Variants in AJAP1 observed in about 807,000 individuals in gnomAD.
AJAP1 encodes the protein adherens junctions associated protein 1.
A neutral mutation model predicts 35.0 loss-of-function variants in AJAP1; 5 were observed. The observed-to-expected ratio is 0.14, with a 90% CI of 0.07 to 0.30. The LOEUF (loss-of-function observed/expected upper bound fraction) is 0.30, where lower values mean the gene tolerates loss of function less well. Among genes scored for constraint, AJAP1 ranks in the 10% least tolerant of loss-of-function variants. The pLI, the probability that AJAP1 is intolerant of heterozygous loss-of-function variation, is 1.00. For synonymous variants in AJAP1, 284 were observed against 249.3 expected (o/e 1.14, Z -1.31); for missense variants, 586 against 571.0 (o/e 1.03, Z -0.27).
intron 2 of AJAP1, among the ~76,000 whole-genome samples, chr1:4,767,362 A>G (rs972176354): frequency 6.6e-6 from 1 of 152,000 alleles, no homozygotes; most frequent in Non-Finnish European, 1.5e-5. Context: ...CACCATCACC[A>G]TTATTACCAT....
intron 1 of AJAP1, among the ~76,000 whole-genome samples, chr1:4,709,523 G>C (rs1640178877): frequency 6.6e-6 from 1 of 152,194 alleles, no homozygotes; most frequent in African/African-American, 2.4e-5. Flanking sequence ...CACCTGCTCA[G>C]AGCAGCATCT....
intron 1 of AJAP1, among the ~76,000 whole-genome samples, chr1:4,669,269 T>C (rs984651508): frequency 7.2e-5 from 11 of 152,336 alleles, no homozygotes; most frequent in Middle Eastern, 3.4e-3. Context: ...ATGGCCTGTT[T>C]TGGACATTTT....
chr1:4,726,693 G>T (rs1430447619), intron 2 of AJAP1, among the ~76,000 whole-genome samples: 2 of 152,150 alleles, frequency 1.3e-5, no homozygotes, highest in Non-Finnish European at 2.9e-5. Context: ...TCCTGATTCA[G>T]GCAGGAGGGG....
intron 2 of AJAP1, among the ~76,000 whole-genome samples, chr1:4,762,127 A>G (rs1641579583): frequency 6.6e-6 from 1 of 152,210 alleles, no homozygotes; most frequent in Admixed American, 6.5e-5. Context: ...ACATAATGCA[A>G]CTATCCTTCA....
rs907727179 is a variant in AJAP1, at chr1:4,687,710, C to T, written c.30-24190C>T. Among the ~76,000 whole-genome samples the T allele has an allele frequency of 1.2e-4, 18 of 152,138 alleles. No homozygotes were observed. In the East Asian group the frequency reaches 2.9e-3, roughly 24 times the overall value. ...AACGTCCCTGTCACTCTGAGAAGAA[C>T]GAGAGCTCCGTGCTAAGGGAGTCAG... On this transcript the variant is annotated intron_variant, in intron 1 of 5. Transcript: ENST00000378191.
chr1:4,696,589 C>T (rs1293724544), intron 1 of AJAP1, among the ~76,000 whole-genome samples: 2 of 152,196 alleles, frequency 1.3e-5, no homozygotes, highest in South Asian at 2.1e-4. Context: ...GGCTTATGCC[C>T]GGGGGGTGGC....
At chr1:4,677,062 CAGG>C (rs1413870495) in intron 1 of AJAP1, among the ~76,000 whole-genome samples, 1 of 152,186 alleles carries the variant, frequency 6.6e-6, no homozygotes, top group Non-Finnish European at 1.5e-5. Flanking sequence ...GAGGCTGAGG[CAGG>C]AGAATTGCTT....
chr1:4,790,518 T>G lies in AJAP1; in HGVS notation c.*8033T>G, dbSNP rs1034103597. On this transcript the variant is annotated 3_prime_UTR_variant, in exon 6 of 6. Coordinates refer to ENST00000378191, the MANE Select transcript of AJAP1 (RefSeq NM_018836.4). ...GGGCAACTGGTTTTGAAAAGCCCGC[T>G]GGCGTGCCAGAGGGGGTGTTTGCCC... 7.2e-5 allele frequency: 11 copies of G among 152,336 alleles called. No homozygotes were observed. The highest frequency in any genetic ancestry group is 2.2e-4 in the African/African-American group (9 of 41,580). The allele number at this position is 152,336 out of a possible 1,614,324, so 9.4% of individuals were successfully genotyped here.
chr1:4,761,668 C>A (rs538927919), intron 2 of AJAP1, among the ~76,000 whole-genome samples: 1 of 152,184 alleles, frequency 6.6e-6, no homozygotes, highest in Non-Finnish European at 1.5e-5. Flanking sequence ...AAGATGAGGT[C>A]CCACAATTCC....
chr1:4,659,396 C>T (rs72857925), intron 1 of AJAP1, among the ~76,000 whole-genome samples: 2,661 of 152,272 alleles, frequency 0.017, 70 homozygotes, highest in African/African-American at 0.061. Context: ...GGGGCTAGAG[C>T]AGGCAAACGT....
At chr1:4,696,785 GTGTGCATGTGTGTCTCTGCATGTGCACA>G (rs1269288535) in intron 1 of AJAP1, among the ~76,000 whole-genome samples, 45 of 152,344 alleles carry the variant, frequency 3.0e-4, no homozygotes, top group African/African-American at 1.1e-3. Flanking sequence ...GGCATATTCT[GTGTGCATGTGTGTCTCTGCATGTGCACA>G]TGTGCATGTG....
chr1:4,749,793 G>A (rs1045451562), intron 2 of AJAP1, among the ~76,000 whole-genome samples: 4 of 152,172 alleles, frequency 2.6e-5, no homozygotes, highest in African/African-American at 9.7e-5. Flanking sequence ...GAGTGTGCCT[G>A]TGTTTGCATG....
intron 2 of AJAP1, among the ~76,000 whole-genome samples, chr1:4,726,933 G>A (rs1490958915): frequency 6.6e-6 from 1 of 152,202 alleles, no homozygotes; most frequent in African/African-American, 2.4e-5. Context: ...GGGAAGCTGA[G>A]GGCCAGGCTT....
chr1:4,659,378 G>A (rs2100501409), intron 1 of AJAP1, among the ~76,000 whole-genome samples: 1 of 152,260 alleles, frequency 6.6e-6, no homozygotes, highest in East Asian at 1.9e-4. Context: ...CAGGAGCAGG[G>A]GCTTTCTGGG....
intron 2 of AJAP1, among the ~76,000 whole-genome samples, chr1:4,741,274 G>C (rs1451519974): frequency 1.3e-5 from 2 of 152,218 alleles, no homozygotes; most frequent in Non-Finnish European, 2.9e-5. Context: ...CAGTAGAAAG[G>C]CATCCTCTCA....
intron 1 of AJAP1, among the ~76,000 whole-genome samples, chr1:4,663,478 A>C (rs1014600549): frequency 6.6e-6 from 1 of 152,224 alleles, no homozygotes; most frequent in Non-Finnish European, 1.5e-5. Context: ...GGAAGAACCC[A>C]ACTGCATAAG....
intron 2 of AJAP1, among the ~76,000 whole-genome samples, chr1:4,752,733 C>T (rs1308751631): frequency 1.3e-5 from 2 of 152,176 alleles, no homozygotes; most frequent in East Asian, 1.9e-4. Context: ...CAAGCCCACC[C>T]CCATGCTCCA....
intron 5 of AJAP1, among the ~76,000 whole-genome samples, chr1:4,781,944 G>A (rs1642072021): frequency 6.6e-6 from 1 of 152,214 alleles, no homozygotes; most frequent in Admixed American, 6.5e-5. Flanking sequence ...CTGTGCCCAG[G>A]TGGGACTCGC....
chr1:4,738,238 C>T (rs12136473), intron 2 of AJAP1, among the ~76,000 whole-genome samples: 13,124 of 152,336 alleles, frequency 0.086, 688 homozygotes, highest in South Asian at 0.17. Context: ...AACAGGGGCC[C>T]TGCTCTCATG....
Sources: allele counts gnomAD v4.1 joint callset (sites outside exome capture counted in the v4.1 genomes callset), GRCh38; gene constraint gnomAD v4.1.1; transcripts MANE v1.5; gene names NCBI Gene and HGNC (gene_info 2026-07-23, HGNC 2026-07-21).